Variants in ULK4 observed in about 807,000 individuals in gnomAD.
ULK4 encodes the protein inactive serine/threonine-protein kinase ULK4.
ULK4 carries 133 observed loss-of-function variants against 160.6 expected under a neutral mutation model. The observed-to-expected ratio is 0.83, with a 90% confidence interval of 0.72 to 0.96. The LOEUF (loss-of-function observed/expected upper bound fraction) is 0.96, where lower values mean the gene tolerates loss of function less well. Among genes scored for constraint, ULK4 ranks in the 40% least tolerant of loss-of-function variants. The pLI, the probability that ULK4 is intolerant of heterozygous loss-of-function variation, is 0.00. For synonymous variants in ULK4, 534 were observed against 539.8 expected, an observed-to-expected ratio of 0.99 and a Z score of 0.15; for missense variants, 1,580 against 1,499.5, an observed-to-expected ratio of 1.05 and a Z score of -0.89.
chr3:41,487,185 A>C (rs2084569845), intron 32 of ULK4, among the ~76,000 whole-genome samples: 1 of 152,112 alleles, frequency 6.6e-6, no homozygotes, highest in Non-Finnish European at 1.5e-5. Context: ...TAATAATATA[A>C]CACATTATGT....
chr3:41,804,008 G>A lies in ULK4; in HGVS notation c.1849-3715C>T, dbSNP rs2040556210. 2.0e-5 allele frequency among the ~76,000 whole-genome samples: 3 copies of A among 152,162 alleles called. No homozygotes were observed. The South Asian group carries it at 6.2e-4, about 32-fold the overall frequency. On this transcript the variant is annotated intron_variant, in intron 19 of 36. Coordinates refer to ENST00000301831, the MANE Select transcript of ULK4 (RefSeq NM_017886.4). Reference sequence around the variant, plus strand: ...TCCTTTGGGTATATACCCAGTAATGGGATGGCTGGGTCAAATGGTATTTCT... The same window carrying A: ...TCCTTTGGGTATATACCCAGTAATGAGATGGCTGGGTCAAATGGTATTTCT...
At chr3:41,496,410 A>T (rs1208437810) in intron 32 of ULK4, among the ~76,000 whole-genome samples, 1 of 152,112 alleles carries the variant, frequency 6.6e-6, no homozygotes, top group Non-Finnish European at 1.5e-5. Flanking sequence ...GAGAGAGGAA[A>T]AACACATACA....
At chr3:41,610,667 C>A (rs545473016) in intron 31 of ULK4, among the ~76,000 whole-genome samples, 1 of 152,346 alleles carries the variant, frequency 6.6e-6, no homozygotes, top group Admixed American at 6.5e-5. Flanking sequence ...CTTGCTTCAA[C>A]TGCTATCCTT....
chr3:41,660,542 TAAAAC>T (rs1575540941), intron 30 of ULK4, among the ~76,000 whole-genome samples: 1 of 152,158 alleles, frequency 6.6e-6, no homozygotes, highest in African/African-American at 2.4e-5. Context: ...TTTAGGGAAA[TAAAAC>T]AAATTCAAAA....
chr3:41,419,675 T>C (rs2082614761), intron 34 of ULK4, among the ~76,000 whole-genome samples: 1 of 152,082 alleles, frequency 6.6e-6, no homozygotes, highest in Admixed American at 6.5e-5. Context: ...ACTATCTGAT[T>C]TCTGCTCAGC....
intron 31 of ULK4, among the ~76,000 whole-genome samples, chr3:41,569,731 G>C (rs1393347626): frequency 6.6e-6 from 1 of 151,986 alleles, no homozygotes; most frequent in Non-Finnish European, 1.5e-5. Flanking sequence ...ACCAAAGCTT[G>C]ATCTATGCTA....
intron 32 of ULK4, among the ~76,000 whole-genome samples, chr3:41,466,664 A>G (rs1315211213): frequency 6.6e-6 from 1 of 152,216 alleles, no homozygotes; most frequent in Non-Finnish European, 1.5e-5. Flanking sequence ...AGACTTCATT[A>G]AAAAGTAAAG....
At chr3:41,925,183 G>T (rs141862291) in intron 5 of ULK4, among the ~76,000 whole-genome samples, 208 of 152,272 alleles carry the variant, frequency 1.4e-3, no homozygotes, top group Non-Finnish European at 2.6e-3. Flanking sequence ...GGTGACTTAC[G>T]CATTACCAAC....
At chr3:41,331,153 C>T (rs2080434930) in intron 35 of ULK4, among the ~76,000 whole-genome samples, 1 of 152,076 alleles carries the variant, frequency 6.6e-6, no homozygotes, top group African/African-American at 2.4e-5. Flanking sequence ...GTAGGTCTGG[C>T]GGGCAAGTAT....
intron 30 of ULK4, among the ~76,000 whole-genome samples, chr3:41,655,346 G>A (rs866043865): frequency 7.7e-6 from 1 of 130,106 alleles, no homozygotes; most frequent in Admixed American, 9.0e-5. Flanking sequence ...ATGGACACAG[G>A]AAGGGGAACA....
At chr3:41,727,806 G>A (rs552308186) in intron 22 of ULK4, among the ~76,000 whole-genome samples, 1 of 152,330 alleles carries the variant, frequency 6.6e-6, no homozygotes, top group East Asian at 1.9e-4. Context: ...AAGACCAGCT[G>A]AGAAGCAACT....
At chr3:41,501,395 G>A (rs2085200969) in intron 32 of ULK4, among the ~76,000 whole-genome samples, 1 of 152,182 alleles carries the variant, frequency 6.6e-6, no homozygotes, top group Non-Finnish European at 1.5e-5. Flanking sequence ...CTACTCGGAA[G>A]GCTGAGGCAG....
rs1276793627 is a variant in ULK4, at chr3:41,300,836, ATTATATATATATATATATATAT to A, written c.3679-51284_3679-51263del. On this transcript the variant is annotated intron_variant, in intron 35 of 36. Coordinates refer to ENST00000301831, the MANE Select transcript of ULK4 (RefSeq NM_017886.4). Reference sequence around the variant, plus strand: ...TGATTAAATTTTGATCATTTTACAGATTATATATATATATATATATATATATATATATATATATATATATATA... The same window carrying A: ...TGATTAAATTTTGATCATTTTACAGAATATATATATATATATATATATATA... Among the ~76,000 whole-genome samples the A allele has an allele frequency of 1.7e-3, 136 of 79,460 alleles. 4 individuals are homozygous for A. Among genetic ancestry groups the A allele is most frequent in the African/African-American group, 6.6e-3 (123 of 18,546 alleles). The allele number at this position is 79,460 out of a possible 152,430, so 52.1% of individuals were successfully genotyped here. A position where few individuals can be genotyped will look rare whatever the true frequency, so the allele number is the denominator to read the frequency against.
intron 32 of ULK4, among the ~76,000 whole-genome samples, chr3:41,517,464 C>A (rs1408870535): frequency 6.6e-6 from 1 of 152,144 alleles, no homozygotes; most frequent in East Asian, 1.9e-4. Context: ...CAGTAAGAGG[C>A]ACCATCTTGG....
chr3:41,589,134 CTT>C (rs1324659243), intron 31 of ULK4, among the ~76,000 whole-genome samples: 2 of 151,502 alleles, frequency 1.3e-5, no homozygotes. Flanking sequence ...AAAAAAATAA[CTT>C]AGCACAGGAC....
intron 32 of ULK4, among the ~76,000 whole-genome samples, chr3:41,509,444 C>T (rs1015045509): frequency 6.6e-6 from 1 of 152,112 alleles, no homozygotes; most frequent in African/African-American, 2.4e-5. Flanking sequence ...TGCTAGAGAT[C>T]TAGACATCCA....
intron 30 of ULK4, among the ~76,000 whole-genome samples, chr3:41,622,890 T>C (rs2033324312): frequency 6.6e-6 from 1 of 152,194 alleles, no homozygotes; most frequent in East Asian, 1.9e-4. Context: ...ATTGTCTCTA[T>C]AGCAACTACT....
At chr3:41,875,964 C>T (rs1307517298) in intron 17 of ULK4, among the ~76,000 whole-genome samples, 5 of 133,672 alleles carry the variant, frequency 3.7e-5, no homozygotes, top group African/African-American at 1.3e-4. Flanking sequence ...TATGTTCTTA[C>T]CAAAAAAAAA....
At chr3:41,447,203 T>C (rs781225097) in intron 34 of ULK4, among the ~76,000 whole-genome samples, 1 of 151,346 alleles carries the variant, frequency 6.6e-6, no homozygotes, top group Non-Finnish European at 1.5e-5. Flanking sequence ...TTCTTCAACC[T>C]CTCTAACTCC....
Sources: gnomAD v4.1 joint callset for allele counts (sites outside exome capture counted in the v4.1 genomes callset) on GRCh38, gnomAD v4.1.1 for gene constraint, MANE v1.5 for transcripts, NCBI Gene and HGNC (gene_info 2026-07-23, HGNC 2026-07-21) for gene names.